Variants in GLDC observed in about 807,000 individuals in gnomAD.
GLDC encodes the protein glycine dehydrogenase (decarboxylating), mitochondrial.
Under a neutral mutation model 121.3 loss-of-function variants are expected in GLDC, and 104 were observed. The ratio of observed to expected loss-of-function variants is 0.86; its 90% CI spans 0.73 to 1.01. The LOEUF is 1.01. Ranked by LOEUF, GLDC falls within the 50% of genes least tolerant of loss-of-function variation. The probability of loss-of-function intolerance (pLI) is 0.00; values close to 1 mark genes in which losing one functional copy is unlikely to be tolerated. For missense variants in GLDC, 1,429 were observed against 1,306.6 expected (o/e 1.09, Z -1.44); for synonymous variants, 546 against 480.6 (o/e 1.14, Z -1.78).
chr9:6,573,611 G>T (rs759269427), intron 15 of GLDC, among the ~76,000 whole-genome samples: 2 of 152,104 alleles, frequency 1.3e-5, no homozygotes, highest in Non-Finnish European at 2.9e-5. Context: ...ATACTTCACA[G>T]TTGCTTGTGA....
In GLDC at chr9:6,592,944, A is replaced by G. The variant is rs1314627231; in HGVS notation, c.1308T>C (p.Asp436=). 5.6e-6 allele frequency: 9 copies of G among 1,614,014 alleles called. No homozygotes were observed. The African/African-American group carries it at 9.3e-5, about 17-fold the overall frequency. ...AGCAGCCACACTGAATCTTCAAGGT[A>G]TCAAAGAACAGGTCATGCTGGAGTT... ...GHQLQHDLFF[D]TLKIQCGCSV... is the part of the protein sequence containing the mutation. The change falls in exon 10 of 25, where the codon GAT becomes GAC. Residue 436 remains aspartate, a synonymous_variant. Transcript: ENST00000321612.
intron 8 of GLDC, among the ~76,000 whole-genome samples, chr9:6,598,258 T>C (rs1176961698): frequency 1.3e-5 from 2 of 152,132 alleles, no homozygotes; most frequent in Non-Finnish European, 2.9e-5. Flanking sequence ...TTTAAACTGC[T>C]GAACTCAAGT....
Position 6,595,263 on chromosome 9 carries a change from A to G in GLDC, c.1156-144T>C, listed in dbSNP as rs1587953206. The stretch of plus-strand genomic sequence containing the variant: ...CTACATTCTTTGATAGTTGGGGACA[A>G]TTAATATATAACCTGCCTGACTACC... On this transcript the variant is annotated intron_variant, in intron 8 of 24. Coordinates refer to ENST00000321612, the MANE Select transcript of GLDC (RefSeq NM_000170.3). The G allele has an allele frequency of 5.5e-6, 4 of 728,660 alleles. No individual in the cohort carries two copies. The South Asian group carries it at 5.8e-5, about 10-fold the overall frequency. The allele number at this position is 728,660 out of a possible 1,614,324, so 45.1% of individuals were successfully genotyped here. A position where few individuals can be genotyped will look rare whatever the true frequency, so the allele number is the denominator to read the frequency against.
At chr9:6,594,622 G>A (rs1298538887) in intron 9 of GLDC, among the ~76,000 whole-genome samples, 2 of 152,174 alleles carry the variant, frequency 1.3e-5, no homozygotes, top group African/African-American at 4.8e-5. Flanking sequence ...ATGAATCCGG[G>A]AAGTGGAGGT....
Position 6,536,252 on chromosome 9 carries a change from G to A in GLDC, c.2666-16C>T, listed in dbSNP as rs1817128757. 1 of 1,610,888 alleles carries A rather than the reference G, an allele frequency of 6.2e-7. No homozygotes were observed. Among genetic ancestry groups the A allele is most frequent in the East Asian group, 2.2e-5 (1 of 44,764 alleles). ...GCGTGAAATCCTGCAAAGGGAGACA[G>A]GAGAACTTGCCTCACTGAAGGTCAG... On this transcript the variant is annotated splice_polypyrimidine_tract_variant and intron_variant, in intron 22 of 24. Coordinates refer to ENST00000321612, the MANE Select transcript of GLDC (RefSeq NM_000170.3).
At chr9:6,635,648 G>A (rs1311984349) in intron 2 of GLDC, among the ~76,000 whole-genome samples, 4 of 152,024 alleles carry the variant, frequency 2.6e-5, no homozygotes, top group Non-Finnish European at 5.9e-5. Context: ...CAAAATGAGA[G>A]AATCATTTAA....
chr9:6,611,944 C>T (rs1818864993), intron 3 of GLDC, among the ~76,000 whole-genome samples: 1 of 152,114 alleles, frequency 6.6e-6, no homozygotes, highest in Non-Finnish European at 1.5e-5. Flanking sequence ...CATCTGTCTT[C>T]ACGGTGTCAA....
rs971738825 is a variant in GLDC at position 6,532,809 on chromosome 9, C to T, written c.*208G>A. The T allele has an allele frequency of 1.4e-5, 8 of 573,558 alleles. No individual in the cohort carries two copies. Among genetic ancestry groups the T allele is most frequent in the African/African-American group, 7.5e-5 (4 of 53,664 alleles). 35.5% of individuals were successfully genotyped at this position (573,558 alleles called of 1,614,324 possible). On this transcript the variant is annotated 3_prime_UTR_variant, in exon 25 of 25. Transcript: ENST00000321612. ...TCCAGGCAACTGGCACATGTGGAAG[C>T]AGAATACCAAAGCAAATCCGTCTTC...
intron 19 of GLDC, 67 bp from the exon 20 acceptor site, chr9:6,553,576 T>C (rs2129715558): frequency 6.7e-7 from 1 of 1,498,080 alleles, no homozygotes; most frequent in Middle Eastern, 1.7e-4. Context: ...GGGAAGGTTC[T>C]GGGCCCTCCC....
chr9:6,634,239 AC>A (rs1819452472), intron 2 of GLDC, among the ~76,000 whole-genome samples: 2 of 152,104 alleles, frequency 1.3e-5, no homozygotes, highest in African/African-American at 4.8e-5. Context: ...AAAGAAAAAA[AC>A]AAACAAACCC....
chr9:6,574,506 T>C (rs1416815621), intron 15 of GLDC, among the ~76,000 whole-genome samples: 2 of 149,328 alleles, frequency 1.3e-5, no homozygotes, highest in African/African-American at 4.9e-5. Flanking sequence ...AGAAAAGAAA[T>C]GCAAATTCAT....
chr9:6,556,948 C>T (rs4333664), intron 17 of GLDC, among the ~76,000 whole-genome samples: 74,952 of 152,002 alleles, frequency 0.49, 19,452 homozygotes, highest in African/African-American at 0.66. Flanking sequence ...ATCTCAATAA[C>T]GATTTCAGAC....
chr9:6,634,078 C>A (rs1819448809), intron 2 of GLDC, among the ~76,000 whole-genome samples: 1 of 151,950 alleles, frequency 6.6e-6, no homozygotes, highest in Non-Finnish European at 1.5e-5. Flanking sequence ...GATCCACCCG[C>A]CTCAGCCTCC....
chr9:6,605,088 G>A (rs1818702455), intron 6 of GLDC, 43 bp downstream of exon 6: 2 of 1,554,866 alleles, frequency 1.3e-6, no homozygotes, highest in Non-Finnish European at 1.8e-6. Context: ...GATACAAGTT[G>A]GGATACGCCT....
At chr9:6,602,415 C>T (rs1022167191) in intron 7 of GLDC, among the ~76,000 whole-genome samples, 9 of 146,458 alleles carry the variant, frequency 6.1e-5, no homozygotes, top group African/African-American at 1.8e-4. Context: ...TTCGCTCTTT[C>T]GCCCAGGCTG....
intron 8 of GLDC, among the ~76,000 whole-genome samples, chr9:6,600,994 G>A (rs973206613): frequency 6.6e-6 from 1 of 152,126 alleles, no homozygotes; most frequent in Non-Finnish European, 1.5e-5. Flanking sequence ...CCAAGATGGT[G>A]AAACCCCGTC....
intron 2 of GLDC, among the ~76,000 whole-genome samples, chr9:6,638,364 G>A (rs1371567573): frequency 2.6e-5 from 4 of 151,856 alleles, no homozygotes; most frequent in Admixed American, 6.6e-5. Flanking sequence ...ACAGGCATGC[G>A]CCACCACGCC....
rs386833576 is a variant in GLDC, at chr9:6,620,259, G to C, written c.395C>G (p.Ser132Trp). ...AISSKNQIWR[S>W]YIGMGYYNCS... ...GTTATAATAGCCCATGCCAATATAC[G>C]ATCTCCAGATCTGGTTTTTGCTTGA... The change falls in exon 3 of 25, where the codon TCG becomes TGG. Residue 132 changes from serine to tryptophan, a missense_variant. Transcript: ENST00000321612. The C allele has an allele frequency of 6.2e-7, 1 of 1,612,892 alleles. No homozygotes were observed. The highest frequency in any genetic ancestry group is 8.5e-7 in the Non-Finnish European group (1 of 1,178,920).
intron 24 of GLDC, 69 bp downstream of exon 24, chr9:6,534,639 C>T (rs998354203): frequency 6.3e-5 from 50 of 796,762 alleles, no homozygotes; most frequent in East Asian, 2.7e-4. Flanking sequence ...AGGCTAAGAG[C>T]GTACACCCGT....
Sources: gnomAD v4.1 joint callset for allele counts (sites outside exome capture counted in the v4.1 genomes callset) on GRCh38, gnomAD v4.1.1 for gene constraint, MANE v1.5 for transcripts, NCBI Gene and HGNC (gene_info 2026-07-23, HGNC 2026-07-21) for gene names.